Variants in SRD5A2 observed in about 807,000 individuals in gnomAD.
SRD5A2 encodes the protein 3-oxo-5-alpha-steroid 4-dehydrogenase 2.
SRD5A2 carries 30 observed loss-of-function variants against 27.4 expected under a neutral mutation model. That is an observed-to-expected ratio of 1.10 (90% CI 0.82 to 1.49). SRD5A2 has a LOEUF of 1.49. Ranked by LOEUF, SRD5A2 falls within the 40% of genes most tolerant of loss-of-function variation. The pLI is 0.00. For missense variants in SRD5A2, 348 were observed against 323.4 expected (o/e 1.08, Z -0.58); for synonymous variants, 141 against 133.6 (o/e 1.06, Z -0.38).
At chr2:31,545,482 TG>T (rs1169807983) in intron 1 of SRD5A2, among the ~76,000 whole-genome samples, 1 of 152,092 alleles carries the variant, frequency 6.6e-6, no homozygotes, top group East Asian at 1.9e-4. Context: ...GTAAAACACG[TG>T]GTCAATTAAT....
intron 1 of SRD5A2, among the ~76,000 whole-genome samples, chr2:31,562,446 C>T (rs1666643983): frequency 6.6e-6 from 1 of 152,044 alleles, no homozygotes; most frequent in Non-Finnish European, 1.5e-5. Flanking sequence ...TGACTGTAGT[C>T]AGTCTGTATC....
At chr2:31,627,028 A>G in the SRD5A2 span, among the ~76,000 whole-genome samples, 1 of 152,010 alleles carries the variant, frequency 6.6e-6, no homozygotes, top group African/African-American at 2.4e-5. Context: ...TGTTGCCTCA[A>G]TTTCAGAACC....
chr2:31,609,515 AG>A, the SRD5A2 span, among the ~76,000 whole-genome samples: 1 of 152,178 alleles, frequency 6.6e-6, no homozygotes, highest in Non-Finnish European at 1.5e-5. Flanking sequence ...CGATGGGGAA[AG>A]AATAGTCTTT....
chr2:31,643,136 T>C, the SRD5A2 span, among the ~76,000 whole-genome samples: 3 of 152,124 alleles, frequency 2.0e-5, no homozygotes, highest in Non-Finnish European at 4.4e-5. Flanking sequence ...ATTCATCAAA[T>C]AGTCCTCTTA....
In SRD5A2 at chr2:31,526,213, T is replaced by G. The variant is rs1177107690; in HGVS notation, c.748A>C (p.Ile250Leu). Residue 250 changes from isoleucine to leucine, a missense_variant, in exon 5 of 5, where the codon ATT becomes CTT. Transcript: ENST00000622030. ...EDYPKSRKAL[I>L]PFIF ...TGGTTCCTTTAAAAGATGAATGGAA[T>G]AAGGGCTTTCCGAGATTTGGGGTAG... The G allele has an allele frequency of 6.3e-7, 1 of 1,587,548 alleles. No individual in the cohort carries two copies. The highest frequency in any genetic ancestry group is 1.2e-5 in the South Asian group (1 of 86,678).
chr2:31,613,988 A>G, the SRD5A2 span, among the ~76,000 whole-genome samples: 2 of 152,104 alleles, frequency 1.3e-5, no homozygotes, highest in African/African-American at 2.4e-5. Context: ...GATGATTACA[A>G]TTCAAGATAA....
At chr2:31,565,623 T>G (rs146918519) in intron 1 of SRD5A2, among the ~76,000 whole-genome samples, 47 of 152,058 alleles carry the variant, frequency 3.1e-4, no homozygotes, top group East Asian at 2.1e-3. Context: ...AGAAGATTGT[T>G]TCATCACGAT....
At chr2:31,567,033 A>C (rs1207297840) in intron 1 of SRD5A2, among the ~76,000 whole-genome samples, 1 of 152,186 alleles carries the variant, frequency 6.6e-6, no homozygotes, top group Non-Finnish European at 1.5e-5. Flanking sequence ...TTATTTCCAT[A>C]CACAGATATA....
chr2:31,574,152 A>G (rs1397900162), intron 1 of SRD5A2, among the ~76,000 whole-genome samples: 1 of 152,206 alleles, frequency 6.6e-6, no homozygotes, highest in African/African-American at 2.4e-5. Flanking sequence ...CCTGCCTGAT[A>G]TTGTCAGACT....
At chr2:31,652,307 G>A in the SRD5A2 span, among the ~76,000 whole-genome samples, 24 of 152,324 alleles carry the variant, frequency 1.6e-4, no homozygotes, top group Admixed American at 7.2e-4. Context: ...GAATACTGAT[G>A]TGAAATTCTA....
chr2:31,643,229 G>A, the SRD5A2 span, among the ~76,000 whole-genome samples: 5 of 151,990 alleles, frequency 3.3e-5, no homozygotes, highest in Non-Finnish European at 5.9e-5. Flanking sequence ...TGCTTTGCAC[G>A]GAAGTATGGA....
chr2:31,557,263 T>A (rs1666517158), intron 1 of SRD5A2, among the ~76,000 whole-genome samples: 1 of 152,228 alleles, frequency 6.6e-6, no homozygotes, highest in Non-Finnish European at 1.5e-5. Flanking sequence ...GGCACATGAC[T>A]TTGAGCAGAA....
At chr2:31,621,348 A>T in the SRD5A2 span, among the ~76,000 whole-genome samples, 1 of 152,224 alleles carries the variant, frequency 6.6e-6, no homozygotes. Flanking sequence ...CAGTAAGATT[A>T]TCTGAATGGA....
intron 1 of SRD5A2, among the ~76,000 whole-genome samples, chr2:31,574,832 C>G (rs1189981604): frequency 3.3e-5 from 5 of 152,218 alleles, no homozygotes; most frequent in African/African-American, 1.2e-4. Context: ...GATTGGTAAA[C>G]TATGGCCCAT....
chr2:31,567,919 G>A (rs947300337), intron 1 of SRD5A2, among the ~76,000 whole-genome samples: 4 of 152,022 alleles, frequency 2.6e-5, no homozygotes, highest in African/African-American at 9.7e-5. Flanking sequence ...CCAAGGGTGA[G>A]CCAGGCACAG....
chr2:31,581,600 C>A (rs1349367240), upstream of SRD5A2, among the ~76,000 whole-genome samples: 1 of 152,204 alleles, frequency 6.6e-6, no homozygotes, highest in Non-Finnish European at 1.5e-5. Context: ...CCGCACGCGT[C>A]CCTGAGCCGC....
the SRD5A2 span, among the ~76,000 whole-genome samples, chr2:31,586,714 C>G: frequency 6.6e-6 from 1 of 152,190 alleles, no homozygotes; most frequent in Non-Finnish European, 1.5e-5. Context: ...AAAGCAGATA[C>G]AGCATAGATC....
chr2:31,565,023 C>A (rs1417943328), intron 1 of SRD5A2, among the ~76,000 whole-genome samples: 2 of 151,666 alleles, frequency 1.3e-5, no homozygotes, highest in African/African-American at 4.8e-5. Context: ...TAAGTTGAGG[C>A]TTTTATAGCA....
chr2:31,584,988 C>T (rs530869497), upstream of SRD5A2, among the ~76,000 whole-genome samples: 25 of 152,318 alleles, frequency 1.6e-4, no homozygotes, highest in African/African-American at 5.5e-4. Context: ...CATTTTCGTG[C>T]ACTGGGTGAG....
Sources: allele counts gnomAD v4.1 joint callset (sites outside exome capture counted in the v4.1 genomes callset), GRCh38; gene constraint gnomAD v4.1.1; transcripts MANE v1.5; gene names NCBI Gene and HGNC (gene_info 2026-07-23, HGNC 2026-07-21).